The following CEP70 variants were observed in gnomAD, a reference collection of about 807,000 sequenced individuals.
CEP70 encodes the protein centrosomal protein of 70 kDa.
In CEP70, 70 loss-of-function variants were observed where a neutral mutation model predicts 90.9. The observed-to-expected ratio is 0.77, with a 90% CI of 0.64 to 0.94. The LOEUF (loss-of-function observed/expected upper bound fraction) is 0.94, where lower values mean the gene tolerates loss of function less well. CEP70 is among the 40% of genes least tolerant of loss of function. The probability of loss-of-function intolerance (pLI) is 0.00; values close to 1 mark genes in which losing one functional copy is unlikely to be tolerated. For synonymous variants in CEP70, 220 were observed against 228.3 expected (o/e 0.96, Z 0.33); for missense variants, 648 against 669.0 (o/e 0.97, Z 0.35).
At chr3:138,594,098 G>C (rs2042537707) in intron 1 of CEP70, 100 bp downstream of exon 1, 1 of 152,314 alleles carries the variant, frequency 6.6e-6, no homozygotes, top group Non-Finnish European at 1.5e-5. Context: ...TCCCCGACAA[G>C]GGTCAGTCTG....
chr3:138,519,803 T>C (rs555514316), intron 11 of CEP70, among the ~76,000 whole-genome samples: 88 of 152,258 alleles, frequency 5.8e-4, no homozygotes, highest in Middle Eastern at 3.4e-3. Context: ...GCTAACATCA[T>C]AATGACAGGA....
chr3:138,496,737 T>G, intron 17 of CEP70: 1 of 985,418 alleles, frequency 1.0e-6, no homozygotes, highest in Non-Finnish European at 1.2e-6. Flanking sequence ...CAGATTTAAC[T>G]TTCCCAATGT....
At chr3:138,565,853 A>C (rs911410452) in intron 6 of CEP70, among the ~76,000 whole-genome samples, 6 of 152,212 alleles carry the variant, frequency 3.9e-5, no homozygotes, top group African/African-American at 1.2e-4. Flanking sequence ...GAGCTTCTGC[A>C]CAGCAAAAGA....
intron 6 of CEP70, among the ~76,000 whole-genome samples, chr3:138,547,754 G>A (rs12632793): frequency 0.071 from 10,813 of 152,176 alleles, 783 homozygotes; most frequent in East Asian, 0.38. Flanking sequence ...AGTGACTAAT[G>A]GGCAGGTAGC....
At chr3:138,567,084 C>T (rs922607679) in intron 6 of CEP70, among the ~76,000 whole-genome samples, 1 of 152,042 alleles carries the variant, frequency 6.6e-6, no homozygotes, top group East Asian at 1.9e-4. Flanking sequence ...ATGGGTGAAT[C>T]CTGAAATAAT....
At position 138,495,991 on chromosome 3, in the gene CEP70, T is replaced by G. The variant is rs918815868; in HGVS notation, c.1733-915A>C. 36 of 985,420 alleles carry G rather than the reference T, an allele frequency of 3.7e-5. No homozygotes were observed. In the Middle Eastern group the frequency reaches 1.6e-3, roughly 43 times the overall value. The allele number at this position is 985,420 out of a possible 1,614,324, so 61.0% of individuals were successfully genotyped here. A position where few individuals can be genotyped will look rare whatever the true frequency, so the allele number is the denominator to read the frequency against. The stretch of plus-strand genomic sequence containing the variant: ...AGGCTCTTTTTTGACAGGCTCTTTC[T>G]GAATTTGATTTTTCTTCCTAAGACT... On this transcript the variant is annotated intron_variant, in intron 17 of 17. Coordinates refer to ENST00000264982, the MANE Select transcript of CEP70 (RefSeq NM_024491.4).
Position 138,505,484 on chromosome 3 carries a change from T to G in CEP70, c.1051-19A>C. ...ACAGCACCTTTAAAAAAACATAGTG[T>G]ATATAGTCAAAATATTTATCCTATG... On this transcript the variant is annotated intron_variant, in intron 12 of 17. Transcript: ENST00000264982. 6.6e-7 allele frequency: 1 copy of G among 1,510,966 alleles called. No homozygotes were observed. The highest frequency in any genetic ancestry group is 8.8e-7 in the Non-Finnish European group (1 of 1,131,266). The allele number at this position is 1,510,966 out of a possible 1,614,324, so 93.6% of individuals were successfully genotyped here. A position where few individuals can be genotyped will look rare whatever the true frequency, so the allele number is the denominator to read the frequency against.
At chr3:138,541,509 C>T (rs537021944) in intron 6 of CEP70, among the ~76,000 whole-genome samples, 26 of 151,560 alleles carry the variant, frequency 1.7e-4, no homozygotes, top group African/African-American at 6.0e-4. Context: ...AAGCCTTTAC[C>T]AGGACAAGCA....
chr3:138,513,634 A>G (rs959652790), intron 11 of CEP70, among the ~76,000 whole-genome samples: 4 of 152,166 alleles, frequency 2.6e-5, no homozygotes, highest in Non-Finnish European at 5.9e-5. Context: ...TGTTTATCCT[A>G]TAGCAGTAAG....
intron 6 of CEP70, among the ~76,000 whole-genome samples, chr3:138,552,792 C>T (rs2039717797): frequency 6.6e-6 from 1 of 151,968 alleles, no homozygotes; most frequent in Non-Finnish European, 1.5e-5. Context: ...CAAACCTGAC[C>T]CAAACCCAGC....
chr3:138,542,098 C>G (rs1247488344), intron 6 of CEP70, among the ~76,000 whole-genome samples: 1 of 152,208 alleles, frequency 6.6e-6, no homozygotes, highest in Non-Finnish European at 1.5e-5. Context: ...CTGCTAAGGG[C>G]AAGCCAGGTG....
chr3:138,496,187 T>C (rs2033941762), intron 17 of CEP70: 1 of 985,452 alleles, frequency 1.0e-6, no homozygotes, highest in Non-Finnish European at 1.2e-6. Flanking sequence ...TAAGCCATCA[T>C]TAATAAACGC....
chr3:138,515,343 C>G (rs965023913), intron 11 of CEP70, among the ~76,000 whole-genome samples: 4 of 151,700 alleles, frequency 2.6e-5, no homozygotes, highest in Non-Finnish European at 5.9e-5. Flanking sequence ...TAAAGCTTAT[C>G]TAATAGGTGT....
At chr3:138,535,132 T>C (rs1271605032) in intron 7 of CEP70, among the ~76,000 whole-genome samples, 1 of 152,208 alleles carries the variant, frequency 6.6e-6, no homozygotes, top group Non-Finnish European at 1.5e-5. Context: ...ATATTGTCTC[T>C]TAAGACTCTT....
chr3:138,579,866 C>T (rs924914087), intron 2 of CEP70, among the ~76,000 whole-genome samples: 11 of 151,952 alleles, frequency 7.2e-5, no homozygotes, highest in African/African-American at 2.7e-4. Context: ...CTTTCTTGAG[C>T]TTAGATACCA....
In CEP70 at chr3:138,508,531, T is replaced by C; in HGVS notation, c.958A>G (p.Ile320Val). 1 of 1,603,228 alleles carries C rather than the reference T, an allele frequency of 6.2e-7. No homozygotes were observed. The highest frequency in any genetic ancestry group is 8.5e-7 in the Non-Finnish European group (1 of 1,170,348). ...LKKNVKLQEL[I>V]NHKKAEDTEK... ...GTGTCCTCAGCCTTCTTATGATTAA[T>C]AAGCTCCTGTAATCTAAAAGGGGGA... The change falls in exon 12 of 18, where the codon ATT becomes GTT. Residue 320 changes from isoleucine to valine, a missense_variant. Physicochemically the swap from Ile to Val is conservative, Grantham distance 29 (BLOSUM62 3). Coordinates refer to ENST00000264982, the MANE Select transcript of CEP70 (RefSeq NM_024491.4).
intron 2 of CEP70, among the ~76,000 whole-genome samples, chr3:138,590,329 C>T (rs910613058): frequency 6.6e-6 from 1 of 152,026 alleles, no homozygotes; most frequent in Non-Finnish European, 1.5e-5. Flanking sequence ...GCTCTGTAAT[C>T]TCAATCTGAA....
At chr3:138,576,218 A>T (rs962394014) in intron 2 of CEP70, among the ~76,000 whole-genome samples, 6 of 152,216 alleles carry the variant, frequency 3.9e-5, no homozygotes, top group African/African-American at 1.4e-4. Context: ...TCTCATGTGC[A>T]GAGACACACA....
intron 6 of CEP70, among the ~76,000 whole-genome samples, chr3:138,565,681 A>C (rs913848761): frequency 6.6e-6 from 1 of 152,200 alleles, no homozygotes; most frequent in Non-Finnish European, 1.5e-5. Flanking sequence ...CTTATACAAA[A>C]ATTAACTCAA....
Sources: allele counts gnomAD v4.1 joint callset (sites outside exome capture counted in the v4.1 genomes callset), GRCh38; gene constraint gnomAD v4.1.1; transcripts MANE v1.5; gene names NCBI Gene and HGNC (gene_info 2026-07-23, HGNC 2026-07-21).